Variants in VPS41 observed in about 807,000 individuals in gnomAD.
The protein encoded by VPS41 is vacuolar protein sorting-associated protein 41 homolog.
A neutral mutation model predicts 130.9 loss-of-function variants in VPS41; 85 were observed. The observed-to-expected ratio is 0.65, with a 90% CI of 0.55 to 0.78. The LOEUF (loss-of-function observed/expected upper bound fraction) is 0.78. Among genes scored for constraint, VPS41 ranks in the 30% least tolerant of loss-of-function variants. The pLI, the probability that VPS41 is intolerant of heterozygous loss-of-function variation, is 0.00. For synonymous variants in VPS41, 335 were observed against 332.9 expected (o/e 1.01, Z -0.07); for missense variants, 874 against 1,018.7 (o/e 0.86, Z 1.93).
In VPS41 at chr7:38,771,392, G is replaced by A. The variant is rs1051639367; in HGVS notation, c.1129-138C>T. ...TATGGTTTAGCATTCTGCACTACAC[G>A]AATAAAGCTCCATTTTCCCATGGCT... On this transcript the variant is annotated intron_variant, in intron 13 of 28. Coordinates refer to ENST00000310301, the MANE Select transcript of VPS41 (RefSeq NM_014396.4). 3.4e-5 allele frequency: 20 copies of A among 588,822 alleles called. No homozygotes were observed. In the East Asian group the frequency reaches 4.9e-4, roughly 14 times the overall value. 36.5% of individuals were successfully genotyped at this position (588,822 alleles called of 1,614,324 possible).
At position 38,883,197 on chromosome 7, in the gene VPS41, C is replaced by T. The variant is rs573334758; in HGVS notation, c.61-13944G>A. Among the ~76,000 whole-genome samples the T allele has an allele frequency of 9.9e-4, 151 of 152,298 alleles. No homozygotes were observed. The South Asian group carries it at 0.014, about 14-fold the overall frequency. ...GGCAGAGGTTGCAGTGAGCCGAGAT[C>T]GGCCGCTGCGCTCCAGCCTGGGTGA... On this transcript the variant is annotated intron_variant, in intron 2 of 28. Coordinates refer to ENST00000310301, the MANE Select transcript of VPS41 (RefSeq NM_014396.4).
chr7:38,756,213 TACACAC>T (rs3839727), intron 19 of VPS41, among the ~76,000 whole-genome samples: 29,165 of 146,534 alleles, frequency 0.2, 3,617 homozygotes, highest in Non-Finnish European at 0.29. Context: ...AGATTTCTTT[TACACAC>T]ACACACACAC....
chr7:38,890,360 T>A (rs1224262410), intron 2 of VPS41, among the ~76,000 whole-genome samples: 1 of 152,158 alleles, frequency 6.6e-6, no homozygotes, highest in Non-Finnish European at 1.5e-5. Flanking sequence ...AACAGATTAG[T>A]AGTTGCCAGG....
At chr7:38,745,432 T>C in intron 23 of VPS41, 127 bp downstream of exon 23, 1 of 737,504 alleles carries the variant, frequency 1.4e-6, no homozygotes, top group East Asian at 2.5e-5. Flanking sequence ...TATTAAATTA[T>C]TGTAAAAATA....
rs1786472017 is a variant in VPS41, at chr7:38,875,418, AGCTTTGTATC to A, written c.61-6175_61-6166del. On this transcript the variant is annotated intron_variant, in intron 2 of 28. Transcript: ENST00000310301. ...AAAATGAATCAAAAAGTCTTCAATC[AGCTTTGTATC>A]GCCCACCACACCTCATCCCAAGAAA... Among the ~76,000 whole-genome samples the A allele has an allele frequency of 7.9e-5, 12 of 152,304 alleles. 1 individual carries two copies. The South Asian group carries it at 2.5e-3, about 32-fold the overall frequency.
intron 1 of VPS41, among the ~76,000 whole-genome samples, chr7:38,899,987 C>T (rs28722581): frequency 0.32 from 48,712 of 152,066 alleles, 8,317 homozygotes; most frequent in Admixed American, 0.5. Flanking sequence ...GTGGCTCACG[C>T]CCGTAATCCC....
intron 2 of VPS41, among the ~76,000 whole-genome samples, chr7:38,883,273 A>G (rs1192416431): frequency 6.6e-6 from 1 of 152,176 alleles, no homozygotes; most frequent in Non-Finnish European, 1.5e-5. Flanking sequence ...AAAACAACAA[A>G]GACAAGAAAT....
chr7:38,870,018 A>G (rs1786316157), intron 2 of VPS41, among the ~76,000 whole-genome samples: 2 of 152,308 alleles, frequency 1.3e-5, no homozygotes, highest in South Asian at 2.1e-4. Flanking sequence ...CAGAGAATTG[A>G]GCTGGCATTC....
At chr7:38,737,315 T>G (rs576237701) in intron 25 of VPS41, among the ~76,000 whole-genome samples, 3 of 152,174 alleles carry the variant, frequency 2.0e-5, no homozygotes, top group Admixed American at 2.0e-4. Flanking sequence ...GAGTTTGCAG[T>G]GAGCTGAGAT....
intron 2 of VPS41, among the ~76,000 whole-genome samples, chr7:38,888,704 C>A (rs1346696427): frequency 1.3e-5 from 2 of 152,118 alleles, no homozygotes; most frequent in Non-Finnish European, 2.9e-5. Context: ...ACTCCCCACC[C>A]CAAATCAACA....
At chr7:38,833,777 T>A (rs1323101749) in intron 4 of VPS41, among the ~76,000 whole-genome samples, 1 of 152,064 alleles carries the variant, frequency 6.6e-6, no homozygotes, top group Non-Finnish European at 1.5e-5. Context: ...CAATTCAACA[T>A]AAATTCTTGC....
chr7:38,830,396 G>A lies in VPS41; in HGVS notation c.247-68C>T, dbSNP rs542755688. Reference sequence around the variant, plus strand: ...ATATATATCAACAATCAATGTCTTTGCTCTTTGTAAAATAGTAAGCTCTTT... The same window carrying A: ...ATATATATCAACAATCAATGTCTTTACTCTTTGTAAAATAGTAAGCTCTTT... On this transcript the variant is annotated intron_variant, in intron 4 of 28. Coordinates refer to ENST00000310301, the MANE Select transcript of VPS41 (RefSeq NM_014396.4). 9 of 958,996 alleles carry A rather than the reference G, an allele frequency of 9.4e-6. No homozygotes were observed. In the African/African-American group the frequency reaches 1.3e-4, roughly 14 times the overall value. The allele number at this position is 958,996 out of a possible 1,614,324, so 59.4% of individuals were successfully genotyped here.
chr7:38,771,147 T>C (rs755348995), intron 14 of VPS41, 51 bp downstream of exon 14: 11 of 1,318,834 alleles, frequency 8.3e-6, no homozygotes, highest in African/African-American at 2.9e-5. Flanking sequence ...AGTCTCACTA[T>C]AACTTATTGA....
chr7:38,834,460 A>T (rs1182387933), intron 4 of VPS41, among the ~76,000 whole-genome samples: 2 of 152,178 alleles, frequency 1.3e-5, no homozygotes, highest in Non-Finnish European at 2.9e-5. Context: ...GCAAAACCAG[A>T]GTGTGTAGGG....
intron 16 of VPS41, among the ~76,000 whole-genome samples, chr7:38,765,297 T>A (rs1266237432): frequency 6.6e-6 from 1 of 152,086 alleles, no homozygotes; most frequent in Non-Finnish European, 1.5e-5. Flanking sequence ...ATTACACCTA[T>A]TTTCAAAAGT....
intron 25 of VPS41, among the ~76,000 whole-genome samples, chr7:38,729,722 G>A (rs1047096024): frequency 7.2e-5 from 11 of 152,122 alleles, no homozygotes; most frequent in African/African-American, 2.7e-4. Flanking sequence ...TTGTATTTCA[G>A]AACTGGAGGC....
Position 38,880,359 on chromosome 7 carries a change from TA to T in VPS41, c.61-11107del, listed in dbSNP as rs767074134. Among the ~76,000 whole-genome samples, 13 of 152,232 alleles carry T rather than the reference TA, an allele frequency of 8.5e-5. No homozygotes were observed. In the East Asian group the frequency reaches 1.2e-3, roughly 14 times the overall value. ...TTACTTTTTATTTTACCACATCATTTAAAAAAATTTTTTTTCACACACATTT... is the reference window on the plus strand; with the variant it reads ...TTACTTTTTATTTTACCACATCATTTAAAAAATTTTTTTTCACACACATTT... On this transcript the variant is annotated intron_variant, in intron 2 of 28. Transcript: ENST00000310301.
intron 2 of VPS41, among the ~76,000 whole-genome samples, chr7:38,891,005 T>A (rs1006701023): frequency 4.4e-5 from 5 of 113,116 alleles, no homozygotes; most frequent in Middle Eastern, 9.3e-3. Flanking sequence ...TGACTTTTTT[T>A]TAAATTTAAT....
chr7:38,839,037 G>A (rs1040944011), intron 4 of VPS41, among the ~76,000 whole-genome samples: 24 of 152,234 alleles, frequency 1.6e-4, no homozygotes, highest in African/African-American at 4.8e-4. Context: ...GCATCCCCAC[G>A]GACCCAGAGA....
Sources: gnomAD v4.1 joint callset for allele counts (sites outside exome capture counted in the v4.1 genomes callset) on GRCh38, gnomAD v4.1.1 for gene constraint, MANE v1.5 for transcripts, NCBI Gene and HGNC (gene_info 2026-07-23, HGNC 2026-07-21) for gene names.